NAV3: variants seen among roughly 807,000 people sequenced by gnomAD.
The protein encoded by NAV3 is pore membrane and/or filament interacting like protein 1.
Under a neutral mutation model 244.7 loss-of-function variants are expected in NAV3, and 87 were observed. The observed-to-expected ratio is 0.36, with a 90% CI of 0.30 to 0.42. The LOEUF is 0.42. Among genes scored for constraint, NAV3 ranks in the 20% least tolerant of loss-of-function variants. The pLI, the probability that NAV3 is intolerant of heterozygous loss-of-function variation, is 1.00. For synonymous variants in NAV3, 1,126 were observed against 1,042.2 expected (o/e 1.08, Z -1.55); for missense variants, 2,663 against 2,893.3 (o/e 0.92, Z 1.83).
At chr12:77,677,385 C>A (rs1294529221) in intron 2 of NAV3, among the ~76,000 whole-genome samples, 1 of 152,158 alleles carries the variant, frequency 6.6e-6, no homozygotes, top group Non-Finnish European at 1.5e-5. Context: ...AGGGATGGCT[C>A]CATGGATATG....
intron 2 of NAV3, among the ~76,000 whole-genome samples, chr12:77,625,069 GA>G (rs1871555304): frequency 6.6e-6 from 1 of 151,842 alleles, no homozygotes; most frequent in African/African-American, 2.4e-5. Context: ...TTAAAAGGTG[GA>G]AAAAAATTTT....
intron 2 of NAV3, among the ~76,000 whole-genome samples, chr12:77,611,757 A>C (rs957380354): frequency 7.9e-5 from 12 of 152,106 alleles, no homozygotes; most frequent in Admixed American, 7.9e-4. Flanking sequence ...AAGTGCTTTA[A>C]TAAAAGTAAA....
upstream of NAV3, among the ~76,000 whole-genome samples, chr12:77,829,236 C>T (rs1478251700): frequency 3.3e-5 from 5 of 152,364 alleles, no homozygotes; most frequent in East Asian, 9.6e-4. Flanking sequence ...AGTTTGCCTT[C>T]CAACCGGATT....
intron 2 of NAV3, among the ~76,000 whole-genome samples, chr12:77,798,438 A>C (rs1871538359): frequency 6.6e-6 from 1 of 152,248 alleles, no homozygotes; most frequent in South Asian, 2.1e-4. Context: ...AAAAATATAA[A>C]ATATAAAGTT....
At chr12:77,933,225 A>G (rs1415450406) in intron 1 of NAV3, among the ~76,000 whole-genome samples, 4 of 152,172 alleles carry the variant, frequency 2.6e-5, no homozygotes, top group Non-Finnish European at 5.9e-5. Context: ...AGTGTATAGA[A>G]TAGTATAATG....
intron 1 of NAV3, among the ~76,000 whole-genome samples, chr12:77,902,642 G>A (rs1311609099): frequency 6.6e-6 from 1 of 152,064 alleles, no homozygotes; most frequent in Non-Finnish European, 1.5e-5. Flanking sequence ...GTTCTGGCCA[G>A]GGCAATCAGG....
intron 12 of NAV3, among the ~76,000 whole-genome samples, chr12:78,106,669 C>T (rs963457349): frequency 5.9e-5 from 9 of 152,168 alleles, no homozygotes; most frequent in South Asian, 4.1e-4. Context: ...AGCCACATCA[C>T]GACAGCTGCC....
chr12:78,064,246 T>TTTCACAG (rs1884688578), intron 12 of NAV3, among the ~76,000 whole-genome samples: 1 of 152,154 alleles, frequency 6.6e-6, no homozygotes, highest in Non-Finnish European at 1.5e-5. Flanking sequence ...ACATTTAGTT[T>TTTCACAG]TTCACAGTTC....
intron 2 of NAV3, among the ~76,000 whole-genome samples, chr12:77,728,083 A>C (rs1876960229): frequency 6.6e-6 from 1 of 151,850 alleles, no homozygotes; most frequent in African/African-American, 2.4e-5. Context: ...CCAAACTGCA[A>C]ATGGCTACGA....
intron 9 of NAV3, among the ~76,000 whole-genome samples, chr12:78,041,081 A>G (rs1183442786): frequency 1.3e-5 from 2 of 152,216 alleles, no homozygotes; most frequent in Non-Finnish European, 2.9e-5. Context: ...ATTTCCAGGA[A>G]GAATGTGATC....
intron 12 of NAV3, among the ~76,000 whole-genome samples, chr12:78,072,292 G>C (rs1368976966): frequency 5.5e-5 from 8 of 145,750 alleles, no homozygotes; most frequent in Non-Finnish European, 9.0e-5. Flanking sequence ...CCGCTAGCAA[G>C]ACTAATAAAG....
chr12:77,933,594 G>A (rs1365758258), intron 1 of NAV3, among the ~76,000 whole-genome samples: 1 of 152,170 alleles, frequency 6.6e-6, no homozygotes, highest in Admixed American at 6.5e-5. Flanking sequence ...TGTGAATATT[G>A]AGGTGAACTA....
At chr12:77,697,776 G>A (rs938626473) in intron 2 of NAV3, among the ~76,000 whole-genome samples, 5 of 152,082 alleles carry the variant, frequency 3.3e-5, no homozygotes, top group African/African-American at 9.7e-5. Flanking sequence ...TATAAATAAT[G>A]CCATTAGTTA....
Position 78,210,641 on chromosome 12 carries a change from T to C in NAV3, c.*124T>C. 8.6e-7 allele frequency: 1 copy of C among 1,168,430 alleles called. No individual in the cohort carries two copies. Among genetic ancestry groups the C allele is most frequent in the Non-Finnish European group, 1.2e-6 (1 of 841,172 alleles). 72.4% of individuals were successfully genotyped at this position (1,168,430 alleles called of 1,614,324 possible). ...CAAGGGCCCTGACCCAGAGTTGTGG[T>C]CTCCAAGGAGGCAGCAGAACTAAGT... is the stretch of plus-strand genomic sequence containing the variant. On this transcript the variant is annotated 3_prime_UTR_variant, in exon 40 of 40. Coordinates refer to ENST00000397909, the MANE Select transcript of NAV3 (RefSeq NM_001024383.2).
At chr12:77,959,827 A>G (rs556871139) in intron 3 of NAV3, among the ~76,000 whole-genome samples, 80 of 134,092 alleles carry the variant, frequency 6.0e-4, no homozygotes, top group Non-Finnish European at 9.7e-4. Context: ...TTTCTCACTC[A>G]TTTGCCTGTT....
At chr12:78,123,765 T>G (rs1241537820) in intron 16 of NAV3, among the ~76,000 whole-genome samples, 1 of 152,162 alleles carries the variant, frequency 6.6e-6, no homozygotes, top group Non-Finnish European at 1.5e-5. Context: ...GCAAATAAAA[T>G]GTAACCATTT....
At chr12:77,926,426 G>A (rs1458891924) in intron 1 of NAV3, among the ~76,000 whole-genome samples, 1 of 152,064 alleles carries the variant, frequency 6.6e-6, no homozygotes, top group East Asian at 1.9e-4. Flanking sequence ...TTTCTTCCTA[G>A]CAAGAGAGGC....
chr12:77,841,008 T>A (rs1875543112), intron 1 of NAV3, among the ~76,000 whole-genome samples: 1 of 152,252 alleles, frequency 6.6e-6, no homozygotes, highest in South Asian at 2.1e-4. Context: ...CTCTTCTGTC[T>A]CTGCAAATCC....
Position 78,195,511 on chromosome 12 carries a change from C to T in NAV3, c.6292-1736C>T, listed in dbSNP as rs550297663. On this transcript the variant is annotated intron_variant, in intron 34 of 39. Transcript: ENST00000397909. Reference sequence around the variant, plus strand: ...ACTGTATTGTGAATCACTTGCTCACCAGCTTCTCTGCTTATCAACTCTAAG... The same window carrying T: ...ACTGTATTGTGAATCACTTGCTCACTAGCTTCTCTGCTTATCAACTCTAAG... Among the ~76,000 whole-genome samples the T allele has an allele frequency of 1.9e-3, 289 of 152,050 alleles. 1 individual carries two copies. The highest frequency in any genetic ancestry group is 4.6e-3 in the Admixed American group (70 of 15,246).
Sources: gnomAD v4.1 joint callset for allele counts (sites outside exome capture counted in the v4.1 genomes callset) on GRCh38, gnomAD v4.1.1 for gene constraint, MANE v1.5 for transcripts, NCBI Gene and HGNC (gene_info 2026-07-23, HGNC 2026-07-21) for gene names.